The following TASOR2 variants were observed in gnomAD, a reference collection of about 807,000 sequenced individuals.
The protein encoded by TASOR2 is transcription activation suppressor family member 2.
A neutral mutation model predicts 199.5 loss-of-function variants in TASOR2; 84 were observed. The ratio of observed to expected loss-of-function variants is 0.42; its 90% CI spans 0.35 to 0.50. TASOR2 has a LOEUF of 0.50. Among genes scored for constraint, TASOR2 ranks in the 20% least tolerant of loss-of-function variants. The probability of loss-of-function intolerance (pLI) is 0.02; values close to 1 mark genes in which losing one functional copy is unlikely to be tolerated. For missense variants in TASOR2, 2,796 were observed against 2,835.9 expected, an observed-to-expected ratio of 0.99 and a Z score of 0.32; for synonymous variants, 1,103 against 1,046.6, an observed-to-expected ratio of 1.05 and a Z score of -1.04.
At chr10:5,695,139 A>G (rs1836992913) in intron 1 of TASOR2, among the ~76,000 whole-genome samples, 1 of 152,180 alleles carries the variant, frequency 6.6e-6, no homozygotes, top group African/African-American at 2.4e-5. Flanking sequence ...ATAGCCAAGT[A>G]TTATTTATTC....
chr10:5,759,189 C>G (rs1839417724), intron 18 of TASOR2, among the ~76,000 whole-genome samples, 197 bp downstream of exon 19: 1 of 152,150 alleles, frequency 6.6e-6, no homozygotes, highest in Non-Finnish European at 1.5e-5. Flanking sequence ...ATGTACTTAT[C>G]TAGACTAACA....
chr10:5,743,572 C>CT (rs34296348), intron 14 of TASOR2, among the ~76,000 whole-genome samples: 4 of 151,512 alleles, frequency 2.6e-5, no homozygotes, highest in Non-Finnish European at 1.5e-5. Flanking sequence ...TATGTATGTG[C>CT]TTTTTTTTTC....
intron 1 of TASOR2, among the ~76,000 whole-genome samples, chr10:5,694,605 A>G (rs1836914112): frequency 1.3e-5 from 2 of 152,234 alleles, no homozygotes; most frequent in Admixed American, 1.3e-4. Context: ...CTTTCTCCTG[A>G]ATAATTTATG....
chr10:5,732,910 G>C (rs1034911909), intron 11 of TASOR2, among the ~76,000 whole-genome samples: 7 of 152,144 alleles, frequency 4.6e-5, no homozygotes, highest in African/African-American at 1.7e-4. Flanking sequence ...GTGGAGATGT[G>C]CGTACTTAGG....
Position 5,730,337 on chromosome 10 carries a change from T to C in TASOR2, c.488-150T>C, listed in dbSNP as rs755273390. On this transcript the variant is annotated intron_variant, in intron 10 of 20. Coordinates refer to ENST00000328090, the Ensembl canonical transcript of TASOR2. This position sits in a 1 kb window ranked among gnomAD's most constrained non-coding sequence, Gnocchi z 4.1. ...TACATTTGTTAAATGTACCTCTAAG[T>C]CTTCTATTAATTGCCATTTAGGTTG... 2 of 587,154 alleles carry C rather than the reference T, an allele frequency of 3.4e-6. No individual in the cohort carries two copies. Among genetic ancestry groups the C allele is most frequent in the South Asian group, 2.4e-5 (1 of 41,126 alleles). The allele number at this position is 587,154 out of a possible 1,614,324, so 36.4% of individuals were successfully genotyped here.
At chr10:5,700,741 G>A (rs1837721932) in intron 1 of TASOR2, among the ~76,000 whole-genome samples, 2 of 151,872 alleles carry the variant, frequency 1.3e-5, no homozygotes, top group Admixed American at 1.3e-4. Context: ...TTTGAAAAAT[G>A]TTTATTCAGA....
At chr10:5,700,858 A>C (rs1026507398) in intron 1 of TASOR2, among the ~76,000 whole-genome samples, 1 of 150,256 alleles carries the variant, frequency 6.7e-6, no homozygotes, top group African/African-American at 2.5e-5. Flanking sequence ...GAGTTGTTTG[A>C]GCTCCTTATA....
chr10:5,695,717 T>C (rs1007273006), intron 1 of TASOR2, among the ~76,000 whole-genome samples: 3 of 152,284 alleles, frequency 2.0e-5, no homozygotes, highest in South Asian at 2.1e-4. Context: ...GAGGAAGATA[T>C]AGCTGAAATC....
rs577167736 is a variant in TASOR2 at position 5,701,516 on chromosome 10, A to T, written c.-287-11307A>T. Among the ~76,000 whole-genome samples, 1 of 152,276 alleles carries T rather than the reference A, an allele frequency of 6.6e-6. No homozygotes were observed. The highest frequency in any genetic ancestry group is 1.5e-5 in the Non-Finnish European group (1 of 68,014). ...GAAGAAGAATGTCATTGGAATTTTG[A>T]TAGGGATTGATTGCATTGAATCTGT... On this transcript the variant is annotated intron_variant, in intron 1 of 20. Coordinates refer to ENST00000328090, the Ensembl canonical transcript of TASOR2. This position sits in a 1 kb window ranked among gnomAD's most constrained non-coding sequence, Gnocchi z 4.9.
chr10:5,753,667 C>CAG (rs1838411317), intron 15 of TASOR2, among the ~76,000 whole-genome samples: 1 of 152,128 alleles, frequency 6.6e-6, no homozygotes, highest in Middle Eastern at 3.2e-3. Context: ...GCCTGTTTGC[C>CAG]GAGATTCTTA....
rs1489246721 is a variant in TASOR2 at position 5,689,556 on chromosome 10, C to T, written c.-288+4381C>T. On this transcript the variant is annotated intron_variant, in intron 1 of 20. Coordinates refer to ENST00000328090, the Ensembl canonical transcript of TASOR2. This position sits in a 1 kb window ranked among gnomAD's most constrained non-coding sequence, Gnocchi z 4.1. ...CAGAGGTTGCAGTGAGCAGAGATCA[C>T]GCCACTGCACTCCAGCCTGGGCGAC... Among the ~76,000 whole-genome samples, 1 of 151,806 alleles carries T rather than the reference C, an allele frequency of 6.6e-6. No homozygotes were observed. Among genetic ancestry groups the T allele is most frequent in the Non-Finnish European group, 1.5e-5 (1 of 67,942 alleles).
chr10:5,761,440 T>C (rs779932021), exon 19 of TASOR2: 46 of 1,612,970 alleles, frequency 2.9e-5, no homozygotes, highest in Middle Eastern at 1.6e-4. Context: ...AAATTCAGCA[T>C]ATTGATGCCA....
At chr10:5,763,041 C>CTAG in exon 21 of TASOR2, 4 of 1,612,024 alleles carry the variant, frequency 2.5e-6, no homozygotes, top group Non-Finnish European at 3.4e-6. Context: ...GACTCAACTA[C>CTAG]AGCCTGCCTG....
At chr10:5,707,972 A>G (rs1831338998) in intron 1 of TASOR2, among the ~76,000 whole-genome samples, 3 of 152,258 alleles carry the variant, frequency 2.0e-5, no homozygotes, top group African/African-American at 4.8e-5. Context: ...TTTCCCCTAC[A>G]TAAACAACCT....
At chr10:5,705,245 G>T (rs1466094080) in intron 1 of TASOR2, among the ~76,000 whole-genome samples, 1 of 152,126 alleles carries the variant, frequency 6.6e-6, no homozygotes, top group Non-Finnish European at 1.5e-5. Context: ...AACTGTATAT[G>T]TATAGAATTT....
At chr10:5,734,831 GGAC>G (rs1349969317) in intron 11 of TASOR2, among the ~76,000 whole-genome samples, 107 of 146,548 alleles carry the variant, frequency 7.3e-4, no homozygotes, top group Non-Finnish European at 1.6e-4. Context: ...CGAATAGCTG[GGAC>G]TATGGGCACA....
chr10:5,759,962 GATGTACC>G (rs1294298751), intron 18 of TASOR2, among the ~76,000 whole-genome samples: 1 of 152,208 alleles, frequency 6.6e-6, no homozygotes, highest in African/African-American at 2.4e-5. Context: ...TTAAGGTTCT[GATGTACC>G]ACAGCACACC....
chr10:5,703,770 G>A (rs182894139), intron 1 of TASOR2, among the ~76,000 whole-genome samples: 4 of 151,846 alleles, frequency 2.6e-5, no homozygotes, highest in African/African-American at 9.7e-5. Flanking sequence ...CCCAAAGTGC[G>A]GGATTACAGG....
chr10:5,761,160 G>A (rs1311090725), intron 18 of TASOR2, 130 bp from the exon 20 acceptor site: 9 of 714,050 alleles, frequency 1.3e-5, no homozygotes, highest in East Asian at 2.7e-5. Flanking sequence ...TAACCAAAGT[G>A]TGTCATGAAA....
Sources: allele counts gnomAD v4.1 joint callset (sites outside exome capture counted in the v4.1 genomes callset), GRCh38; gene constraint gnomAD v4.1.1; non-coding constraint Gnocchi (gnomAD v3.1); transcripts MANE v1.5; gene names NCBI Gene and HGNC (gene_info 2026-07-23, HGNC 2026-07-21).